The following SCAP variants were observed in gnomAD, a reference collection of about 807,000 sequenced individuals.
SCAP encodes the protein SREBF chaperone.
A neutral mutation model predicts 123.6 loss-of-function variants in SCAP; 65 were observed. The observed-to-expected ratio is 0.53, with a 90% CI of 0.43 to 0.65. The LOEUF is 0.65. SCAP is among the 30% of genes least tolerant of loss of function. The pLI, the probability that SCAP is intolerant of heterozygous loss-of-function variation, is 0.00. For missense variants in SCAP, 1,398 were observed against 1,712.5 expected (o/e 0.82, Z 3.24); for synonymous variants, 740 against 726.3 (o/e 1.02, Z -0.30).
rs561939888 is a variant in SCAP, at chr3:47,451,015, T to TA, written c.-98-7925dup. ...GCATGTGCCACCATGGCCAGCTAATTAAAAAAAAAAAATGTTGTGGGGAGA... is the reference window on the plus strand; with the variant it reads ...GCATGTGCCACCATGGCCAGCTAATTAAAAAAAAAAAAATGTTGTGGGGAGA... On this transcript the variant is annotated intron_variant, in intron 1 of 22. Coordinates refer to ENST00000265565, the MANE Select transcript of SCAP (RefSeq NM_012235.4). Among the ~76,000 whole-genome samples, 293 of 109,670 alleles carry TA rather than the reference T, an allele frequency of 2.7e-3. 44 individuals are homozygous for TA. Among genetic ancestry groups the TA allele is most frequent in the African/African-American group, 7.3e-3 (236 of 32,452 alleles). The allele number at this position is 109,670 out of a possible 152,430, so 71.9% of individuals were successfully genotyped here.
intron 9 of SCAP, among the ~76,000 whole-genome samples, chr3:47,423,080 C>T (rs1284810235): frequency 6.6e-6 from 1 of 152,218 alleles, no homozygotes; most frequent in South Asian, 2.1e-4. Flanking sequence ...CCATCTCTTC[C>T]TAACTCCATA....
chr3:47,415,281 A>G, intron 18 of SCAP, 101 bp from the exon 19 acceptor site: 1 of 1,090,264 alleles, frequency 9.2e-7, no homozygotes, highest in South Asian at 1.7e-5. Flanking sequence ...AAGAAGGCAC[A>G]GGAGGGACAT....
At chr3:47,416,615 C>CTTT (rs3077503) in intron 18 of SCAP, among the ~76,000 whole-genome samples, 3 of 70,186 alleles carry the variant, frequency 4.3e-5, no homozygotes, top group African/African-American at 1.8e-4. Flanking sequence ...ACCCCTAACG[C>CTTT]TTTTTTTTTT....
Position 47,419,339 on chromosome 3 carries a change from T to A in SCAP, c.1929A>T (p.Thr643=), listed in dbSNP as rs776165538. 9 of 1,610,716 alleles carry A rather than the reference T, an allele frequency of 5.6e-6. No individual in the cohort carries two copies. Among genetic ancestry groups the A allele is most frequent in the Non-Finnish European group, 7.6e-6 (9 of 1,178,322 alleles). ...WPTLFSYYNI[T]LAKRYISLLP... ...ACGGCCCAGCTCACCTCTTGGCCAGTGTGATGTTGTAATAGCTGAAGAGCG... is the reference window on the plus strand; with the variant it reads ...ACGGCCCAGCTCACCTCTTGGCCAGAGTGATGTTGTAATAGCTGAAGAGCG... The change falls in exon 13 of 23, where the codon ACA becomes ACT. Residue 643 remains threonine (T), a synonymous_variant. Transcript: ENST00000265565. This position sits in a 1 kb window ranked among gnomAD's most constrained non-coding sequence, Gnocchi z 5.0.
chr3:47,421,210 C>T, intron 10 of SCAP, 181 bp from the exon 11 acceptor site: 1 of 628,976 alleles, frequency 1.6e-6, no homozygotes, highest in Admixed American at 2.7e-5. Flanking sequence ...CACCCCGTCT[C>T]CACCAGGGGG....
chr3:47,456,877 C>T (rs1335561480), intron 1 of SCAP, among the ~76,000 whole-genome samples: 3 of 151,958 alleles, frequency 2.0e-5, no homozygotes, highest in Admixed American at 6.6e-5. Flanking sequence ...GCAATTTTGA[C>T]AAAATCAATT....
At chr3:47,414,730 C>T (rs1705487588) in intron 20 of SCAP, 78 bp from the exon 21 acceptor site, 1 of 1,610,082 alleles carries the variant, frequency 6.2e-7, no homozygotes, top group Non-Finnish European at 8.5e-7. Flanking sequence ...GCCCTCTGTT[C>T]TTCATCAGGA....
In SCAP at chr3:47,435,465, A is replaced by AACACACACACACAC. The variant is rs749684765; in HGVS notation, c.123-329_123-328insGTGTGTGTGTGTGT. Among the ~76,000 whole-genome samples, 37 of 121,522 alleles carry AACACACACACACAC rather than the reference A, an allele frequency of 3.0e-4. 1 individual carries two copies. The highest frequency in any genetic ancestry group is 4.7e-4 in the Non-Finnish European group (29 of 62,234). 79.7% of individuals were successfully genotyped at this position (121,522 alleles called of 152,430 possible). ...ATATAACATTAACATATATAATATA[A>AACACACACACACAC]ACATACACACACACACACACACACA... On this transcript the variant is annotated intron_variant, in intron 2 of 22. Coordinates refer to ENST00000265565, the MANE Select transcript of SCAP (RefSeq NM_012235.4).
Position 47,459,536 on chromosome 3 carries a change from G to A in SCAP, c.-99+16263C>T, listed in dbSNP as rs369625216. On this transcript the variant is annotated intron_variant, in intron 1 of 22. Transcript: ENST00000265565. Reference sequence around the variant, plus strand: ...GAGGAATTTTACAGCTGGGCCTCCAGGGGTGACATCACATATGAGTAGGAC... The same window carrying A: ...GAGGAATTTTACAGCTGGGCCTCCAAGGGTGACATCACATATGAGTAGGAC... Among the ~76,000 whole-genome samples the A allele has an allele frequency of 4.6e-5, 7 of 152,264 alleles. No individual in the cohort carries two copies. The East Asian group carries it at 9.7e-4, about 21-fold the overall frequency.
intron 13 of SCAP, 121 bp from the exon 14 acceptor site, chr3:47,418,964 C>T: frequency 9.1e-7 from 1 of 1,099,492 alleles, no homozygotes; most frequent in South Asian, 1.7e-5. Flanking sequence ...CCAGACTCTC[C>T]CAGCATGGGG....
intron 2 of SCAP, 126 bp downstream of exon 2, chr3:47,442,746 T>A: frequency 1.3e-6 from 1 of 792,646 alleles, no homozygotes; most frequent in East Asian, 2.5e-5. Context: ...CTCACAGTTA[T>A]AAGGAGCCCA....
In SCAP at chr3:47,417,459, C is replaced by T. The variant is rs2107761243; in HGVS notation, c.2815G>A (p.Gly939Arg). 1 of 1,551,862 alleles carries T rather than the reference C, an allele frequency of 6.4e-7. No homozygotes were observed. The highest frequency in any genetic ancestry group is 1.2e-5 in the South Asian group (1 of 84,462). ...TCAGGGGCCTGGGACAGCACCGGCCCAGGCGAGGGTGGGCGCAGGGCTGGT... is the reference window on the plus strand; with the variant it reads ...TCAGGGGCCTGGGACAGCACCGGCCTAGGCGAGGGTGGGCGCAGGGCTGGT... ...CTPALRPPSP[G>R]PVLSQAPEDE... Residue 939 changes from glycine to arginine, a missense_variant, in exon 17 of 23, where the codon GGG becomes AGG. Transcript: ENST00000265565.
chr3:47,417,259 C>G, intron 17 of SCAP, 45 bp downstream of exon 17: 1 of 1,612,380 alleles, frequency 6.2e-7, no homozygotes. Flanking sequence ...CCCACAATCC[C>G]CGGGGCGGAC....
At chr3:47,430,940 T>G (rs1706332593) in intron 3 of SCAP, among the ~76,000 whole-genome samples, 2 of 152,156 alleles carry the variant, frequency 1.3e-5, no homozygotes. Context: ...GCCAAGATGC[T>G]GACCAAGCAC....
intron 1 of SCAP, among the ~76,000 whole-genome samples, chr3:47,444,256 G>C (rs537127810): frequency 2.0e-5 from 3 of 152,218 alleles, no homozygotes; most frequent in Admixed American, 6.5e-5. Context: ...TCTTCGGTCT[G>C]TGCTAGAGGG....
chr3:47,443,852 G>A (rs1706920943), intron 1 of SCAP, among the ~76,000 whole-genome samples: 1 of 152,104 alleles, frequency 6.6e-6, no homozygotes, highest in Non-Finnish European at 1.5e-5. Context: ...AAGGTGCCCC[G>A]TGCCGACCCA....
chr3:47,424,441 C>T (rs1415257825), intron 8 of SCAP, among the ~76,000 whole-genome samples: 1 of 152,226 alleles, frequency 6.6e-6, no homozygotes, highest in Non-Finnish European at 1.5e-5. Context: ...GTGGACCCAT[C>T]ACAGCTAAAT....
Position 47,419,298 on chromosome 3 carries a change from T to G in SCAP, c.1940+30A>C. 1 of 1,581,136 alleles carries G rather than the reference T, an allele frequency of 6.3e-7. No homozygotes were observed. Among genetic ancestry groups the G allele is most frequent in the Non-Finnish European group, 8.6e-7 (1 of 1,160,908 alleles). On this transcript the variant is annotated intron_variant, in intron 13 of 22. Coordinates refer to ENST00000265565, the MANE Select transcript of SCAP (RefSeq NM_012235.4). This position sits in a 1 kb window ranked among gnomAD's most constrained non-coding sequence, Gnocchi z 5.0. Reference sequence around the variant, plus strand: ...GGGATGGTGAGTTGACACCATCGAGTGAGGTGGCACCTGGCACGGCCCAGC... The same window carrying G: ...GGGATGGTGAGTTGACACCATCGAGGGAGGTGGCACCTGGCACGGCCCAGC...
chr3:47,449,156 T>G (rs1559560475), intron 1 of SCAP, among the ~76,000 whole-genome samples: 1 of 152,202 alleles, frequency 6.6e-6, no homozygotes, highest in Admixed American at 6.5e-5. Context: ...CTCCACAGTT[T>G]GGTCCTCAAA....
Sources: gnomAD v4.1 joint callset for allele counts (sites outside exome capture counted in the v4.1 genomes callset) on GRCh38, gnomAD v4.1.1 for gene constraint, Gnocchi (gnomAD v3.1) non-coding constraint, MANE v1.5 for transcripts, NCBI Gene and HGNC (gene_info 2026-07-23, HGNC 2026-07-21) for gene names.